RETREG1: variants seen among roughly 807,000 people sequenced by gnomAD.
RETREG1 encodes the protein reticulophagy regulator 1, also known as family with sequence similarity 134 member B.
In RETREG1, 44 loss-of-function variants were observed where a neutral mutation model predicts 54.8. The ratio of observed to expected loss-of-function variants is 0.80; its 90% CI spans 0.63 to 1.03. The LOEUF is 1.03. RETREG1 is among the 50% of genes least tolerant of loss of function. The probability of loss-of-function intolerance (pLI) is 0.00; values close to 1 mark genes in which losing one functional copy is unlikely to be tolerated. For synonymous variants in RETREG1, 217 were observed against 238.5 expected (o/e 0.91, Z 0.83); for missense variants, 554 against 605.1 (o/e 0.92, Z 0.89).
rs746283428 is a variant in RETREG1 at position 16,616,740 on chromosome 5, A to G, written c.232T>C (p.Trp78Arg). ...VTWLLGEPVL[W>R]LGCRADELLS... is the part of the protein sequence containing the mutation. Reference sequence around the variant, plus strand: ...AGCTCGTCGGCGCGGCAGCCCAGCCACAGCACCGGCTCCCCGAGCAGCCAG... The same window carrying G: ...AGCTCGTCGGCGCGGCAGCCCAGCCGCAGCACCGGCTCCCCGAGCAGCCAG... The change falls in exon 1 of 9, where the codon TGG becomes CGG. Residue 78 changes from tryptophan to arginine, a missense_variant. This residue lies in a region of RETREG1 where 175 missense variants were observed against 142.1 expected (regional missense o/e 1.23). Transcript: ENST00000306320. 30 of 1,578,192 alleles carry G rather than the reference A, an allele frequency of 1.9e-5. No individual in the cohort carries two copies. The East Asian group carries it at 6.4e-4, about 34-fold the overall frequency.
chr5:16,504,109 G>A (rs1031513168), intron 3 of RETREG1, among the ~76,000 whole-genome samples: 4 of 151,374 alleles, frequency 2.6e-5, no homozygotes, highest in African/African-American at 7.3e-5. Flanking sequence ...GTGTGTCCAC[G>A]TGTTCTCACT....
intron 3 of RETREG1, among the ~76,000 whole-genome samples, chr5:16,556,826 CTT>C (rs1741723854): frequency 2.6e-5 from 4 of 152,148 alleles, no homozygotes; most frequent in Admixed American, 1.3e-4. Context: ...ATACGCACCT[CTT>C]GTTTCATTTT....
chr5:16,565,744 C>A lies in RETREG1; in HGVS notation c.458+19G>T. The A allele has an allele frequency of 1.2e-6, 2 of 1,613,932 alleles. No homozygotes were observed. The highest frequency in any genetic ancestry group is 1.7e-6 in the Non-Finnish European group (2 of 1,179,902). ...CACCCTCCCTCCATTAAGCACAACA[C>A]GGAAAGAAAGTTCCCTACCTTTCAC... On this transcript the variant is annotated intron_variant, in intron 3 of 8. Transcript: ENST00000306320.
chr5:16,518,267 A>T (rs2126577050), intron 3 of RETREG1, among the ~76,000 whole-genome samples: 1 of 148,274 alleles, frequency 6.7e-6, no homozygotes, highest in Non-Finnish European at 1.5e-5. Context: ...TTATATACTG[A>T]TTTATATATT....
rs1239908396 is a variant in RETREG1 at position 16,593,326 on chromosome 5, C to G, written c.321-21224G>C. 2.0e-5 allele frequency among the ~76,000 whole-genome samples: 3 copies of G among 152,166 alleles called. No individual in the cohort carries two copies. The highest frequency in any genetic ancestry group is 2.9e-5 in the Non-Finnish European group (2 of 68,042). ...CCCATCTGTCTGTCCTTCCCTACCC[C>G]ATACTACAAGCTCTGTGAGAGAAGG... On this transcript the variant is annotated intron_variant, in intron 1 of 8. Transcript: ENST00000306320. This position sits in a 1 kb window ranked among gnomAD's most constrained non-coding sequence, Gnocchi z 4.9.
chr5:16,476,995 C>T (rs2126509301), intron 8 of RETREG1, among the ~76,000 whole-genome samples: 1 of 152,250 alleles, frequency 6.6e-6, no homozygotes, highest in Admixed American at 6.5e-5. Context: ...ACTCAGGGAA[C>T]TTGACGTCCA....
chr5:16,513,583 A>G (rs932364748), intron 3 of RETREG1, among the ~76,000 whole-genome samples: 1 of 152,138 alleles, frequency 6.6e-6, no homozygotes, highest in Non-Finnish European at 1.5e-5. Flanking sequence ...TTTGGTTTGG[A>G]CTGTTTCTCC....
chr5:16,592,890 T>C lies in RETREG1; in HGVS notation c.321-20788A>G, dbSNP rs189314134. On this transcript the variant is annotated intron_variant, in intron 1 of 8. Transcript: ENST00000306320. The stretch of plus-strand genomic sequence containing the variant: ...GGGGAACAACAGACACTGGGCCTAT[T>C]GGAGGGTGGAGGGTGGGAGGAAAGA... Among the ~76,000 whole-genome samples the C allele has an allele frequency of 3.9e-3, 588 of 152,128 alleles. 3 individuals carry two copies. The highest frequency in any genetic ancestry group is 0.013 in the African/African-American group (545 of 41,496).
intron 1 of RETREG1, among the ~76,000 whole-genome samples, chr5:16,609,301 C>G (rs1331536758): frequency 6.6e-6 from 1 of 152,146 alleles, no homozygotes; most frequent in African/African-American, 2.4e-5. Flanking sequence ...GGTTTAAATA[C>G]GATGCTACAT....
chr5:16,599,369 G>A (rs1742988241), intron 1 of RETREG1, among the ~76,000 whole-genome samples: 1 of 152,104 alleles, frequency 6.6e-6, no homozygotes, highest in Non-Finnish European at 1.5e-5. Flanking sequence ...TTACTACTCA[G>A]TAATAAATTA....
At chr5:16,519,727 C>T (rs138649212) in intron 3 of RETREG1, among the ~76,000 whole-genome samples, 32 of 152,282 alleles carry the variant, frequency 2.1e-4, no homozygotes, top group Non-Finnish European at 2.2e-4. Flanking sequence ...CCCAGTCTAA[C>T]GCAGACACTG....
chr5:16,615,736 G>A (rs1487337223), intron 1 of RETREG1, among the ~76,000 whole-genome samples: 1 of 152,132 alleles, frequency 6.6e-6, no homozygotes, highest in Non-Finnish European at 1.5e-5. Flanking sequence ...AAAATGACAG[G>A]CTGTCTATTT....
In RETREG1 at chr5:16,544,422, G is replaced by A. The variant is rs1459759885; in HGVS notation, c.458+21341C>T. On this transcript the variant is annotated intron_variant, in intron 3 of 8. Transcript: ENST00000306320. ...TTAAACATCAAAGGTTTGTCATCTTGATCAAGTCCAATCTATCAAATTTTT... is the reference window on the plus strand; with the variant it reads ...TTAAACATCAAAGGTTTGTCATCTTAATCAAGTCCAATCTATCAAATTTTT... Among the ~76,000 whole-genome samples the A allele has an allele frequency of 2.6e-5, 4 of 152,224 alleles. No individual in the cohort carries two copies. The East Asian group carries it at 7.7e-4, about 29-fold the overall frequency.
Position 16,474,248 on chromosome 5 carries a change from A to G in RETREG1, c.*493T>C, listed in dbSNP as rs995304173. On this transcript the variant is annotated 3_prime_UTR_variant, in exon 9 of 9. Transcript: ENST00000306320. ...CAAGTCCTTCAACTAAGATACCTTG[A>G]TAATTTCGGTCTTTTTTACATCAAA... 6.3e-6 allele frequency: 1 copy of G among 158,208 alleles called. No individual in the cohort carries two copies. Among genetic ancestry groups the G allele is most frequent in the African/African-American group, 2.4e-5 (1 of 41,422 alleles). The allele number at this position is 158,208 out of a possible 1,614,324, so 9.8% of individuals were successfully genotyped here.
At chr5:16,480,146 T>C (rs1738704270) in intron 5 of RETREG1, among the ~76,000 whole-genome samples, 1 of 151,974 alleles carries the variant, frequency 6.6e-6, no homozygotes, top group Non-Finnish European at 1.5e-5. Flanking sequence ...CTGCCTCTTC[T>C]CCCTGCCCCC....
intron 3 of RETREG1, among the ~76,000 whole-genome samples, chr5:16,505,357 T>G (rs1217897955): frequency 1.3e-5 from 2 of 152,198 alleles, no homozygotes; most frequent in African/African-American, 4.8e-5. Context: ...ACGACCATTT[T>G]AAGTTTCATT....
At chr5:16,590,879 ACACACACG>A (rs1742750073) in intron 1 of RETREG1, among the ~76,000 whole-genome samples, 1 of 43,736 alleles carries the variant, frequency 2.3e-5, no homozygotes, top group Admixed American at 2.3e-4. Flanking sequence ...GCAAACATAC[ACACACACG>A]CACACACACA....
intron 3 of RETREG1, among the ~76,000 whole-genome samples, chr5:16,504,023 G>T (rs1739840128): frequency 6.6e-6 from 1 of 152,152 alleles, no homozygotes; most frequent in Admixed American, 6.5e-5. Context: ...AGCCCAGCAT[G>T]CATTAGTTAT....
chr5:16,505,562 C>T (rs770326874), intron 3 of RETREG1, among the ~76,000 whole-genome samples: 4 of 152,152 alleles, frequency 2.6e-5, no homozygotes, highest in Non-Finnish European at 5.9e-5. Context: ...CACAATTATC[C>T]GGAAGTTATC....
Sources: allele counts gnomAD v4.1 joint callset (sites outside exome capture counted in the v4.1 genomes callset), GRCh38; gene constraint gnomAD v4.1.1; regional missense constraint gnomAD v4.1.1; non-coding constraint Gnocchi (gnomAD v3.1); transcripts MANE v1.5; gene names NCBI Gene and HGNC (gene_info 2026-07-23, HGNC 2026-07-21).